The following KIF16B variants were observed in gnomAD, a reference collection of about 807,000 sequenced individuals.
KIF16B encodes the protein kinesin-like protein KIF16B.
A neutral mutation model predicts 156.3 loss-of-function variants in KIF16B; 98 were observed. The ratio of observed to expected loss-of-function variants is 0.63; its 90% CI spans 0.53 to 0.74. The LOEUF (loss-of-function observed/expected upper bound fraction) is 0.74, where lower values mean the gene tolerates loss of function less well. Among genes scored for constraint, KIF16B ranks in the 30% least tolerant of loss-of-function variants. The pLI, the probability that KIF16B is intolerant of heterozygous loss-of-function variation, is 0.00. For synonymous variants in KIF16B, 564 were observed against 583.7 expected, an observed-to-expected ratio of 0.97 and a Z score of 0.49; for missense variants, 1,421 against 1,606.5, an observed-to-expected ratio of 0.88 and a Z score of 1.97.
At chr20:16,524,994 G>C (rs2069487566) in intron 3 of KIF16B, among the ~76,000 whole-genome samples, 1 of 152,088 alleles carries the variant, frequency 6.6e-6, no homozygotes, top group Non-Finnish European at 1.5e-5. Flanking sequence ...AATGGACACA[G>C]GGAGGGGAAC....
chr20:16,444,288 A>G (rs758871533), intron 12 of KIF16B, among the ~76,000 whole-genome samples: 4 of 152,214 alleles, frequency 2.6e-5, no homozygotes, highest in Non-Finnish European at 5.9e-5. Flanking sequence ...AAGTCAGCCA[A>G]CTATGGCTGA....
intron 10 of KIF16B, among the ~76,000 whole-genome samples, chr20:16,499,898 T>C (rs1039790517): frequency 6.6e-6 from 1 of 152,224 alleles, no homozygotes; most frequent in African/African-American, 2.4e-5. Flanking sequence ...GGTGTATCTT[T>C]AGAAGAAAAG....
Position 16,506,091 on chromosome 20 carries a change from C to G in KIF16B, c.799G>C (p.Val267Leu). 3 of 1,614,062 alleles carry G rather than the reference C, an allele frequency of 1.9e-6. No homozygotes were observed. The highest frequency in any genetic ancestry group is 2.5e-6 in the Non-Finnish European group (3 of 1,179,918). The change falls in exon 8 of 26, where the codon GTT (valine) becomes CTT (leucine). Residue 267 changes from valine (V) to leucine (L), a missense_variant. Val to Leu is a conservative substitution (Grantham distance 32). Transcript: ENST00000354981. ...ATATTTCCCCCTTCCTTTAGCCTAACCCCGGTGGCTCCGGTGGCATCTGCA... is the reference window on the plus strand; with the variant it reads ...ATATTTCCCCCTTCCTTTAGCCTAAGCCCGGTGGCTCCGGTGGCATCTGCA... ...ERADATGATG[V>L]RLKEGGNINK...
chr20:16,417,575 A>G (rs1011564854), intron 15 of KIF16B, among the ~76,000 whole-genome samples: 1 of 152,232 alleles, frequency 6.6e-6, no homozygotes, highest in African/African-American at 2.4e-5. Flanking sequence ...CCCAACATGC[A>G]TTGCAAAAAA....
chr20:16,573,319 A>C lies in KIF16B; in HGVS notation c.-44T>G. ...CCGCGCGGGGTCCCACTAGCCCAGA[A>C]CTCCGCGGTCGCCGGCGACGCTGGC... On this transcript the variant is annotated 5_prime_UTR_variant, in exon 1 of 26. Coordinates refer to ENST00000354981, the MANE Select transcript of KIF16B (RefSeq NM_024704.5). The C allele has an allele frequency of 1.2e-6, 2 of 1,602,394 alleles. No homozygotes were observed. The highest frequency in any genetic ancestry group is 1.7e-6 in the Non-Finnish European group (2 of 1,174,890).
intron 1 of KIF16B, among the ~76,000 whole-genome samples, chr20:16,547,633 C>G (rs1318184397): frequency 1.8e-5 from 2 of 112,616 alleles, no homozygotes; most frequent in African/African-American, 7.1e-5. Flanking sequence ...GCATGCTGCT[C>G]AGACACAGAG....
chr20:16,464,141 G>GA (rs1337676077), intron 12 of KIF16B, among the ~76,000 whole-genome samples: 2 of 152,070 alleles, frequency 1.3e-5, no homozygotes, highest in East Asian at 1.9e-4. Flanking sequence ...ATGTTGCTCT[G>GA]AAAAAATGTG....
At chr20:16,318,353 T>G (rs1247170455) in intron 24 of KIF16B, among the ~76,000 whole-genome samples, 3 of 152,000 alleles carry the variant, frequency 2.0e-5, no homozygotes, top group African/African-American at 7.2e-5. Flanking sequence ...AAAATCCATC[T>G]CTAAATAGAG....
At chr20:16,532,800 C>A (rs1201541059) in intron 1 of KIF16B, among the ~76,000 whole-genome samples, 1 of 152,176 alleles carries the variant, frequency 6.6e-6, no homozygotes, top group East Asian at 1.9e-4. Context: ...TGGTAATGCT[C>A]ACATTGACTT....
chr20:16,467,510 A>C (rs1409260939), intron 12 of KIF16B, among the ~76,000 whole-genome samples: 1 of 152,234 alleles, frequency 6.6e-6, no homozygotes, highest in Non-Finnish European at 1.5e-5. Flanking sequence ...AACTATGATT[A>C]ATACACTAAG....
chr20:16,456,827 T>A (rs1045782262), intron 12 of KIF16B, among the ~76,000 whole-genome samples: 14 of 151,516 alleles, frequency 9.2e-5, no homozygotes, highest in Admixed American at 3.3e-4. Context: ...GCTTGCCATG[T>A]TTAGTGACCT....
Position 16,380,047 on chromosome 20 carries a change from C to A in KIF16B, c.1955G>T (p.Arg652Leu), listed in dbSNP as rs372163476. 5 of 1,575,822 alleles carry A rather than the reference C, an allele frequency of 3.2e-6. No homozygotes were observed. Among genetic ancestry groups the A allele is most frequent in the East Asian group, 2.2e-5 (1 of 44,662 alleles). ...GCGTTTGAGGCTCTCCTCCTGCTTG[C>A]GAATCTGGAGCTGCACGATTTCTGT... Reference protein sequence around the residue: ...KETEIVQLQIRKQEESLKRRS... With the variant: ...KETEIVQLQILKQEESLKRRS... Residue 652 changes from arginine to leucine, a missense_variant, in exon 19 of 26, where the codon CGC (arginine) becomes CTC (leucine). Arg to Leu is a moderately radical substitution (Grantham distance 102, BLOSUM62 -2). Coordinates refer to ENST00000354981, the MANE Select transcript of KIF16B (RefSeq NM_024704.5).
chr20:16,370,782 C>T (rs1309038378), intron 21 of KIF16B, 146 bp from the exon 22 acceptor site: 2 of 618,394 alleles, frequency 3.2e-6, no homozygotes, highest in Non-Finnish European at 5.4e-6. Flanking sequence ...ATATAATTTA[C>T]ATCCCCAAGA....
intron 23 of KIF16B, among the ~76,000 whole-genome samples, chr20:16,346,263 C>G (rs1264152616): frequency 1.3e-5 from 2 of 152,228 alleles, no homozygotes; most frequent in African/African-American, 2.4e-5. Flanking sequence ...AGTCCAATGC[C>G]AGTCCTCGAT....
intron 12 of KIF16B, among the ~76,000 whole-genome samples, chr20:16,452,393 C>A (rs1228912625): frequency 3.3e-5 from 5 of 150,868 alleles, no homozygotes; most frequent in East Asian, 1.9e-4. Flanking sequence ...ACTGCCATAA[C>A]CCCTATAAGA....
intron 15 of KIF16B, among the ~76,000 whole-genome samples, chr20:16,417,366 G>T (rs1224172928): frequency 6.6e-6 from 1 of 152,138 alleles, no homozygotes; most frequent in Non-Finnish European, 1.5e-5. Context: ...GAACACTGAA[G>T]CAGCAGTGGA....
chr20:16,280,867 TGC>T (rs756229823), intron 25 of KIF16B, among the ~76,000 whole-genome samples: 3 of 150,788 alleles, frequency 2.0e-5, no homozygotes, highest in Non-Finnish European at 3.0e-5. Flanking sequence ...TGTGTGTGTG[TGC>T]GCAGAAAATG....
At chr20:16,359,465 T>C (rs1160954669) in intron 22 of KIF16B, among the ~76,000 whole-genome samples, 1 of 152,158 alleles carries the variant, frequency 6.6e-6, no homozygotes, top group East Asian at 1.9e-4. Context: ...CTATACTTTC[T>C]ACACAGCCTG....
At chr20:16,431,913 T>TACAC (rs74175693) in intron 12 of KIF16B, among the ~76,000 whole-genome samples, 279 of 143,822 alleles carry the variant, frequency 1.9e-3, no homozygotes, top group African/African-American at 5.7e-3. Flanking sequence ...TGTATACGTA[T>TACAC]ACACACACAC....
Sources: gnomAD v4.1 joint callset for allele counts (sites outside exome capture counted in the v4.1 genomes callset) on GRCh38, gnomAD v4.1.1 for gene constraint, MANE v1.5 for transcripts, NCBI Gene and HGNC (gene_info 2026-07-23, HGNC 2026-07-21) for gene names.